COL25A1: variants seen among roughly 807,000 people sequenced by gnomAD.
The protein encoded by COL25A1 is collagen type XXV alpha 1 chain.
Under a neutral mutation model 128.4 loss-of-function variants are expected in COL25A1, and 103 were observed. That is an observed-to-expected ratio of 0.80 (90% CI 0.68 to 0.94). COL25A1 has a LOEUF of 0.94. Among genes scored for constraint, COL25A1 ranks in the 40% least tolerant of loss-of-function variants. The probability of loss-of-function intolerance (pLI) is 0.00; values close to 1 mark genes in which losing one functional copy is unlikely to be tolerated. For synonymous variants in COL25A1, 279 were observed against 277.2 expected (o/e 1.01, Z -0.06); for missense variants, 745 against 840.0 (o/e 0.89, Z 1.40).
At chr4:108,991,326 C>T (rs1754207754) in intron 6 of COL25A1, among the ~76,000 whole-genome samples, 1 of 152,018 alleles carries the variant, frequency 6.6e-6, no homozygotes, top group Non-Finnish European at 1.5e-5. Flanking sequence ...GATACTACAC[C>T]ATTTAAATAC....
intron 3 of COL25A1, among the ~76,000 whole-genome samples, chr4:109,069,161 G>T (rs955658334): frequency 1.3e-5 from 2 of 149,192 alleles, no homozygotes; most frequent in East Asian, 3.9e-4. Flanking sequence ...GAAAACTCTT[G>T]CAGACTTGCC....
chr4:108,984,434 A>G (rs1753415897), intron 6 of COL25A1, among the ~76,000 whole-genome samples: 1 of 151,572 alleles, frequency 6.6e-6, no homozygotes, highest in Non-Finnish European at 1.5e-5. Context: ...GGCGCCCTAG[A>G]GCGGGGGCGG....
intron 3 of COL25A1, among the ~76,000 whole-genome samples, chr4:109,182,755 C>T (rs765939124): frequency 6.6e-6 from 1 of 152,088 alleles, no homozygotes; most frequent in Non-Finnish European, 1.5e-5. Flanking sequence ...TGACTGAGGT[C>T]ACATCACAAG....
At chr4:109,224,038 T>C (rs1015658504) in intron 3 of COL25A1, among the ~76,000 whole-genome samples, 6 of 152,226 alleles carry the variant, frequency 3.9e-5, no homozygotes, top group African/African-American at 1.4e-4. Flanking sequence ...GCTTCAAATA[T>C]GCTCTGAACT....
At chr4:109,155,239 C>T (rs182202850) in intron 3 of COL25A1, among the ~76,000 whole-genome samples, 2 of 152,276 alleles carry the variant, frequency 1.3e-5, no homozygotes, top group Middle Eastern at 3.4e-3. Flanking sequence ...TCTACAAGAA[C>T]GCTACAGACC....
At chr4:109,194,601 G>A (rs568296514) in intron 3 of COL25A1, among the ~76,000 whole-genome samples, 10 of 152,070 alleles carry the variant, frequency 6.6e-5, no homozygotes, top group Non-Finnish European at 1.3e-4. Context: ...CGGGCAATAG[G>A]TTAGGATAGG....
At chr4:108,873,522 C>CTAGTAGTAGTAGTAG (rs58240378) in intron 19 of COL25A1, among the ~76,000 whole-genome samples, 115 of 147,258 alleles carry the variant, frequency 7.8e-4, no homozygotes, top group Non-Finnish European at 1.1e-3. Flanking sequence ...TGTTAGCTGT[C>CTAGTAGTAGTAGTAG]TAGTAGTAGT....
chr4:108,990,879 C>T (rs2065958322), intron 6 of COL25A1, among the ~76,000 whole-genome samples: 1 of 152,182 alleles, frequency 6.6e-6, no homozygotes, highest in South Asian at 2.1e-4. Flanking sequence ...TAGGCCACAA[C>T]TTAAACCCAG....
At chr4:108,913,297 G>C (rs748776397) in intron 13 of COL25A1, among the ~76,000 whole-genome samples, 1 of 65,228 alleles carries the variant, frequency 1.5e-5, no homozygotes, top group Non-Finnish European at 3.2e-5. Context: ...ACGGAGTTTT[G>C]CTCTTGTTGC....
chr4:109,293,888 T>C (rs937032718), intron 3 of COL25A1, among the ~76,000 whole-genome samples: 5 of 152,122 alleles, frequency 3.3e-5, no homozygotes, highest in Admixed American at 3.3e-4. Flanking sequence ...AATTCCAAAA[T>C]GTAAGTACAA....
intron 3 of COL25A1, among the ~76,000 whole-genome samples, chr4:109,246,552 A>G (rs1370907214): frequency 6.6e-6 from 1 of 152,174 alleles, no homozygotes; most frequent in Non-Finnish European, 1.5e-5. Context: ...GATAATTAGT[A>G]CATCTATATC....
intron 11 of COL25A1, among the ~76,000 whole-genome samples, chr4:108,924,701 A>G (rs893971418): frequency 5.3e-5 from 8 of 152,162 alleles, no homozygotes; most frequent in African/African-American, 1.9e-4. Context: ...TGCCTGCGTG[A>G]GCTTCCCCTA....
intron 23 of COL25A1, among the ~76,000 whole-genome samples, chr4:108,859,937 T>C (rs1270989359): frequency 1.3e-5 from 2 of 152,294 alleles, no homozygotes; most frequent in Middle Eastern, 3.4e-3. Context: ...ATATCCTGTC[T>C]TTGGTAGGTT....
chr4:109,035,382 A>T (rs1163362266), intron 5 of COL25A1, among the ~76,000 whole-genome samples: 1 of 152,226 alleles, frequency 6.6e-6, no homozygotes, highest in African/African-American at 2.4e-5. Context: ...TGGTAATCAC[A>T]GTACTTAAGA....
At chr4:109,086,684 C>T (rs1389292886) in intron 3 of COL25A1, among the ~76,000 whole-genome samples, 1 of 152,094 alleles carries the variant, frequency 6.6e-6, no homozygotes, top group Admixed American at 6.5e-5. Flanking sequence ...TGCTTGACTG[C>T]TGGGAATTGC....
At chr4:109,244,246 A>G (rs535794759) in intron 3 of COL25A1, among the ~76,000 whole-genome samples, 1 of 152,194 alleles carries the variant, frequency 6.6e-6, no homozygotes, top group East Asian at 1.9e-4. Context: ...CATGCACAAT[A>G]GAAAAACAGT....
chr4:108,954,956 T>A (rs572972518), intron 8 of COL25A1, among the ~76,000 whole-genome samples: 44 of 149,798 alleles, frequency 2.9e-4, no homozygotes, highest in African/African-American at 8.4e-4. Flanking sequence ...TTTTTTTTTT[T>A]AAAATGGGTC....
chr4:108,964,155 A>T (rs1242835654), intron 8 of COL25A1, among the ~76,000 whole-genome samples: 2 of 151,002 alleles, frequency 1.3e-5, no homozygotes, highest in Non-Finnish European at 3.0e-5. Flanking sequence ...TAATGTAAAT[A>T]ATCAAATAAT....
chr4:108,943,306 G>A (rs921031062), intron 8 of COL25A1, among the ~76,000 whole-genome samples: 1 of 152,132 alleles, frequency 6.6e-6, no homozygotes, highest in African/African-American at 2.4e-5. Context: ...TACAACTCAG[G>A]ACATACAATA....
Sources: allele counts gnomAD v4.1 joint callset (sites outside exome capture counted in the v4.1 genomes callset), GRCh38; gene constraint gnomAD v4.1.1; transcripts MANE v1.5; gene names NCBI Gene and HGNC (gene_info 2026-07-23, HGNC 2026-07-21).